NLRP14: variants seen among roughly 807,000 people sequenced by gnomAD.
NLRP14 encodes NACHT, LRR and PYD domains-containing protein 14.
A neutral mutation model predicts 94.7 loss-of-function variants in NLRP14; 105 were observed. The ratio of observed to expected loss-of-function variants is 1.11; its 90% confidence interval spans 0.95 to 1.30. The LOEUF is 1.30. Ranked by LOEUF, NLRP14 falls within the 50% of genes most tolerant of loss-of-function variation. The pLI, the probability that NLRP14 is intolerant of heterozygous loss-of-function variation, is 0.00. For missense variants in NLRP14, 1,362 were observed against 1,254.1 expected, an observed-to-expected ratio of 1.09 and a Z score of -1.30; for synonymous variants, 508 against 459.9, an observed-to-expected ratio of 1.10 and a Z score of -1.34.
the NLRP14 span, chr11:7,089,045 G>T: frequency 1.3e-6 from 2 of 1,520,334 alleles, no homozygotes; most frequent in Non-Finnish European, 9.0e-7. Context: ...CGCCCTCGAC[G>T]AGCGAGCTCG....
chr11:7,054,117 T>C (rs1852483443), intron 6 of NLRP14, among the ~76,000 whole-genome samples: 1 of 152,176 alleles, frequency 6.6e-6, no homozygotes, highest in Non-Finnish European at 1.5e-5. Flanking sequence ...TCTATCCATG[T>C]TGTTGCAAAT....
chr11:7,040,507 T>C (rs1852232628), intron 3 of NLRP14, among the ~76,000 whole-genome samples: 1 of 152,198 alleles, frequency 6.6e-6, no homozygotes, highest in Non-Finnish European at 1.5e-5. Context: ...CCTACATCCA[T>C]GGAAAAATTG....
intron 1 of NLRP14, among the ~76,000 whole-genome samples, chr11:7,032,247 T>C (rs1852109679): frequency 6.6e-6 from 1 of 152,110 alleles, no homozygotes; most frequent in Non-Finnish European, 1.5e-5. Flanking sequence ...TATGTAGAGG[T>C]TTTGTTTTCT....
At chr11:7,032,343 A>G (rs923619725) in intron 1 of NLRP14, among the ~76,000 whole-genome samples, 2 of 152,192 alleles carry the variant, frequency 1.3e-5, no homozygotes, top group African/African-American at 2.4e-5. Flanking sequence ...AGTGTGTGCT[A>G]TATTTTTATA....
the NLRP14 span, chr11:7,089,730 G>A: frequency 3.2e-5 from 49 of 1,534,888 alleles, no homozygotes; most frequent in African/African-American, 4.9e-4. Flanking sequence ...CCCGCGCCGC[G>A]ACCCCTACCT....
At chr11:7,065,576 T>C (rs757880697) in intron 10 of NLRP14, among the ~76,000 whole-genome samples, 16 of 152,132 alleles carry the variant, frequency 1.1e-4, no homozygotes, top group Non-Finnish European at 1.0e-4. Flanking sequence ...ATATATGTGA[T>C]ATAATGTTAA....
chr11:7,071,364 A>G lies in NLRP14; in HGVS notation c.*56A>G, dbSNP rs1852795842. 1.9e-5 allele frequency: 27 copies of G among 1,447,860 alleles called. No individual in the cohort carries two copies. The highest frequency in any genetic ancestry group is 3.5e-5 in the Admixed American group (2 of 57,620). The allele number at this position is 1,447,860 out of a possible 1,614,324, so 89.7% of individuals were successfully genotyped here. A position where few individuals can be genotyped will look rare whatever the true frequency, so the allele number is the denominator to read the frequency against. On this transcript the variant is annotated 3_prime_UTR_variant, in exon 12 of 12. Transcript: ENST00000299481. Reference sequence around the variant, plus strand: ...TAAATATAAATACATACATACATAGATATATACCCAGACTTGGGTGCTTAG... The same window carrying G: ...TAAATATAAATACATACATACATAGGTATATACCCAGACTTGGGTGCTTAG...
At chr11:7,037,827 T>A (rs554297583) in intron 1 of NLRP14, among the ~76,000 whole-genome samples, 1 of 152,204 alleles carries the variant, frequency 6.6e-6, no homozygotes, top group East Asian at 1.9e-4. Context: ...AGCATTAGAG[T>A]AAACTGCCAG....
chr11:7,056,538 C>G (rs567469814), intron 6 of NLRP14, among the ~76,000 whole-genome samples: 3 of 133,466 alleles, frequency 2.2e-5, no homozygotes, highest in African/African-American at 7.9e-5. Context: ...AAAAAGAAAT[C>G]TCAAGAAACT....
chr11:7,078,608 G>T, the NLRP14 span, among the ~76,000 whole-genome samples: 3 of 151,708 alleles, frequency 2.0e-5, no homozygotes. Flanking sequence ...TGGCTAACAT[G>T]GTGAAACCCC....
chr11:7,090,264 C>T, the NLRP14 span: 46 of 1,607,068 alleles, frequency 2.9e-5, no homozygotes, highest in African/African-American at 9.4e-5. Flanking sequence ...TCTAGGAGGC[C>T]GCTTGGAGAG....
At chr11:7,063,579 A>T (rs906478564) in intron 10 of NLRP14, among the ~76,000 whole-genome samples, 1 of 152,078 alleles carries the variant, frequency 6.6e-6, no homozygotes, top group Non-Finnish European at 1.5e-5. Context: ...AGAAAGACCT[A>T]TGGAAGAATA....
At chr11:7,074,400 A>G (rs1382417248), downstream of NLRP14, among the ~76,000 whole-genome samples, 1 of 152,230 alleles carries the variant, frequency 6.6e-6, no homozygotes, top group African/African-American at 2.4e-5. Flanking sequence ...TAACAAACAC[A>G]GAAAAGAAAG....
intron 10 of NLRP14, among the ~76,000 whole-genome samples, chr11:7,066,303 G>C (rs1852706530): frequency 6.6e-6 from 1 of 152,138 alleles, no homozygotes; most frequent in Non-Finnish European, 1.5e-5. Flanking sequence ...CACAATGGTT[G>C]AACAAATTTA....
At chr11:7,021,797 A>G (rs1589853290) in intron 1 of NLRP14, among the ~76,000 whole-genome samples, 1 of 151,400 alleles carries the variant, frequency 6.6e-6, no homozygotes, top group Admixed American at 6.6e-5. Flanking sequence ...TAAATACATT[A>G]AAAAGCAATG....
chr11:7,089,016 C>T, the NLRP14 span: 1 of 1,363,310 alleles, frequency 7.3e-7, no homozygotes, highest in Middle Eastern at 1.8e-4. Context: ...CGACTAGGCG[C>T]CGCCTGACCA....
downstream of NLRP14, among the ~76,000 whole-genome samples, chr11:7,073,759 G>C (rs1159208056): frequency 6.6e-6 from 1 of 152,194 alleles, no homozygotes; most frequent in Non-Finnish European, 1.5e-5. Flanking sequence ...ATATGAAAGA[G>C]ACACATAGGG....
intron 11 of NLRP14, 120 bp downstream of exon 11, chr11:7,070,576 C>T: frequency 2.8e-6 from 2 of 703,040 alleles, no homozygotes; most frequent in Non-Finnish European, 4.9e-6. Flanking sequence ...TTTCTAGACA[C>T]TTATTTGTTT....
the NLRP14 span, among the ~76,000 whole-genome samples, chr11:7,084,270 T>A: frequency 6.6e-6 from 1 of 152,182 alleles, no homozygotes; most frequent in African/African-American, 2.4e-5. Flanking sequence ...GTATTCCTAT[T>A]TTGACATAAG....
Sources: allele counts gnomAD v4.1 joint callset (sites outside exome capture counted in the v4.1 genomes callset), GRCh38; gene constraint gnomAD v4.1.1; transcripts MANE v1.5; gene names NCBI Gene and HGNC (gene_info 2026-07-23, HGNC 2026-07-21).